The following SPTLC3 variants were observed in gnomAD, a reference collection of about 807,000 sequenced individuals.
SPTLC3 encodes serine palmitoyltransferase long chain base subunit 3, also known as serine palmitoyltransferase 3.
In SPTLC3, 36 loss-of-function variants were observed where a neutral mutation model predicts 59.3. That is an observed-to-expected ratio of 0.61 (90% CI 0.47 to 0.80). The LOEUF (loss-of-function observed/expected upper bound fraction) is 0.80, where lower values mean the gene tolerates loss of function less well. SPTLC3 is among the 30% of genes least tolerant of loss of function. The pLI, the probability that SPTLC3 is intolerant of heterozygous loss-of-function variation, is 0.00. For missense variants in SPTLC3, 625 were observed against 685.1 expected (o/e 0.91, Z 0.98); for synonymous variants, 257 against 240.8 (o/e 1.07, Z -0.62).
At chr20:13,152,482 G>A (rs1414796077) in intron 9 of SPTLC3, among the ~76,000 whole-genome samples, 1 of 152,162 alleles carries the variant, frequency 6.6e-6, no homozygotes, top group Non-Finnish European at 1.5e-5. Context: ...CAAAGGTTCA[G>A]ATGATCCATC....
At chr20:13,163,604 A>T (rs1269910722) in intron 11 of SPTLC3, among the ~76,000 whole-genome samples, 4 of 152,128 alleles carry the variant, frequency 2.6e-5, no homozygotes, top group Admixed American at 1.3e-4. Flanking sequence ...TTAGAAAAAC[A>T]GGGAAGAACA....
chr20:13,106,079 A>G (rs1297871671), intron 6 of SPTLC3, among the ~76,000 whole-genome samples: 1 of 152,178 alleles, frequency 6.6e-6, no homozygotes, highest in Non-Finnish European at 1.5e-5. Flanking sequence ...CGCTCTTGGG[A>G]ACGTTCAAAA....
chr20:13,115,172 A>G (rs1230079439), intron 7 of SPTLC3, among the ~76,000 whole-genome samples: 2 of 152,198 alleles, frequency 1.3e-5, no homozygotes, highest in Non-Finnish European at 2.9e-5. Context: ...AATAACATAG[A>G]TAGCCTTTTT....
At chr20:13,073,722 A>G in intron 3 of SPTLC3, 1 of 473,664 alleles carries the variant, frequency 2.1e-6, no homozygotes, top group South Asian at 1.9e-5. Context: ...TTCTGAGTTG[A>G]CGCCTGAACT....
At chr20:13,164,683 T>G (rs2038961409) in intron 11 of SPTLC3, 71 bp from the exon 12 acceptor site, 5 of 1,124,844 alleles carry the variant, frequency 4.4e-6, no homozygotes, top group Non-Finnish European at 6.6e-6. Context: ...GGCTTGCTAT[T>G]AATCTGGGCT....
At chr20:13,143,220 T>C (rs1429188567) in intron 9 of SPTLC3, among the ~76,000 whole-genome samples, 2 of 152,094 alleles carry the variant, frequency 1.3e-5, no homozygotes, top group Non-Finnish European at 2.9e-5. Flanking sequence ...GTGCCGCAGG[T>C]CAGTTATGTA....
chr20:13,084,114 T>C (rs1267475897), intron 4 of SPTLC3, among the ~76,000 whole-genome samples: 2 of 152,210 alleles, frequency 1.3e-5, no homozygotes, highest in African/African-American at 4.8e-5. Context: ...GTACTCCTAA[T>C]GGAATCCCTT....
Position 13,160,129 on chromosome 20 carries a change from C to T in SPTLC3, c.1542C>T (p.Asp514=), listed in dbSNP as rs2038864745. The T allele has an allele frequency of 2.5e-6, 4 of 1,613,756 alleles. No individual in the cohort carries two copies. Among genetic ancestry groups the T allele is most frequent in the Non-Finnish European group, 2.5e-6 (3 of 1,179,882 alleles). ...VSAAHTREML[D]TVLEALDEMG... ...CGGCACATACCCGGGAGATGTTAGA[C>T]ACGGTGAGTACACCACAGGCCAACG... Residue 514 remains aspartate (D), a synonymous_variant, in exon 11 of 12, where the codon GAC becomes GAT. Transcript: ENST00000399002.
chr20:13,106,413 G>C (rs553322940), intron 6 of SPTLC3, among the ~76,000 whole-genome samples: 1 of 152,240 alleles, frequency 6.6e-6, no homozygotes, highest in African/African-American at 2.4e-5. Flanking sequence ...AGTCGGGAGG[G>C]ACACCAAGGA....
chr20:13,159,220 A>G (rs556005667), intron 10 of SPTLC3, among the ~76,000 whole-genome samples: 6 of 152,312 alleles, frequency 3.9e-5, no homozygotes, highest in African/African-American at 1.4e-4. Context: ...TGAAGGTTTT[A>G]CTCTGCATCA....
chr20:13,073,957 A>ATGT (rs1209954686), intron 3 of SPTLC3: 1 of 591,232 alleles, frequency 1.7e-6, no homozygotes, highest in Non-Finnish European at 3.3e-6. Context: ...ACCTGAGTGG[A>ATGT]TGTTACCAAC....
chr20:13,057,422 C>G (rs2122524561), intron 2 of SPTLC3, among the ~76,000 whole-genome samples: 1 of 152,150 alleles, frequency 6.6e-6, no homozygotes, highest in East Asian at 1.9e-4. Context: ...TTTATTAATC[C>G]AATTTCACTA....
chr20:13,093,390 GT>G, intron 5 of SPTLC3, 93 bp from the exon 6 acceptor site: 1 of 1,117,204 alleles, frequency 9.0e-7, no homozygotes, highest in Non-Finnish European at 1.3e-6. Flanking sequence ...TAGAAATTGT[GT>G]TATAGGTTTT....
intron 6 of SPTLC3, among the ~76,000 whole-genome samples, chr20:13,094,128 G>C (rs1409041413): frequency 6.6e-6 from 1 of 152,178 alleles, no homozygotes; most frequent in Non-Finnish European, 1.5e-5. Flanking sequence ...TTAGGGTCTT[G>C]ATGAGGCAGC....
chr20:13,163,089 C>T (rs550198163), intron 11 of SPTLC3, among the ~76,000 whole-genome samples: 2 of 152,050 alleles, frequency 1.3e-5, no homozygotes, highest in Non-Finnish European at 2.9e-5. Flanking sequence ...GAATAGAGGT[C>T]GGGCGCAGTG....
At chr20:13,014,981 C>G (rs1226026383) in intron 1 of SPTLC3, among the ~76,000 whole-genome samples, 2 of 151,992 alleles carry the variant, frequency 1.3e-5, no homozygotes, top group Non-Finnish European at 2.9e-5. Context: ...CCAAGAGTGT[C>G]TTTTATAACC....
chr20:13,026,360 TC>T (rs1305860417), intron 1 of SPTLC3, among the ~76,000 whole-genome samples: 4 of 152,178 alleles, frequency 2.6e-5, no homozygotes, highest in African/African-American at 9.7e-5. Context: ...GTGTAAGTGT[TC>T]CCTTTTTTTT....
intron 1 of SPTLC3, among the ~76,000 whole-genome samples, chr20:13,030,373 G>T (rs1163036591): frequency 6.6e-6 from 1 of 152,178 alleles, no homozygotes; most frequent in Non-Finnish European, 1.5e-5. Context: ...ATTTTAAAAT[G>T]ACTAACCACA....
chr20:13,128,872 T>C (rs2038054382), intron 9 of SPTLC3, among the ~76,000 whole-genome samples: 2 of 25,204 alleles, frequency 7.9e-5, no homozygotes, highest in South Asian at 1.7e-3. Flanking sequence ...GCCCAGCTAA[T>C]TTTTTTTTTT....
Sources: allele counts gnomAD v4.1 joint callset (sites outside exome capture counted in the v4.1 genomes callset), GRCh38; gene constraint gnomAD v4.1.1; transcripts MANE v1.5; gene names NCBI Gene and HGNC (gene_info 2026-07-23, HGNC 2026-07-21).